NECTIN1: variants seen among roughly 807,000 people sequenced by gnomAD.
The protein encoded by NECTIN1 is nectin-1.
Under a neutral mutation model 48.0 loss-of-function variants are expected in NECTIN1, and 23 were observed. The ratio of observed to expected loss-of-function variants is 0.48; its 90% confidence interval spans 0.34 to 0.68. The LOEUF is 0.68. Among genes scored for constraint, NECTIN1 ranks in the 30% least tolerant of loss-of-function variants. The pLI is 0.01. For synonymous variants in NECTIN1, 270 were observed against 288.9 expected, an observed-to-expected ratio of 0.93 and a Z score of 0.66; for missense variants, 591 against 709.9, an observed-to-expected ratio of 0.83 and a Z score of 1.90.
chr11:119,654,730 C>G (rs1864544541), intron 5 of NECTIN1, among the ~76,000 whole-genome samples: 1 of 151,966 alleles, frequency 6.6e-6, no homozygotes, highest in Admixed American at 6.5e-5. Context: ...CACCACCATG[C>G]CCAGCTAATT....
At chr11:119,690,032 G>A (rs1198925213) in intron 1 of NECTIN1, among the ~76,000 whole-genome samples, 1 of 152,244 alleles carries the variant, frequency 6.6e-6, no homozygotes, top group Non-Finnish European at 1.5e-5. Flanking sequence ...ACATTCCCAG[G>A]TGGGGCTGGG....
intron 5 of NECTIN1, among the ~76,000 whole-genome samples, chr11:119,654,734 G>A (rs890017002): frequency 3.9e-5 from 6 of 151,954 alleles, no homozygotes; most frequent in African/African-American, 7.3e-5. Flanking sequence ...ACCATGCCCA[G>A]CTAATTTGTG....
chr11:119,688,392 G>C (rs1412712436), intron 1 of NECTIN1, among the ~76,000 whole-genome samples: 1 of 151,866 alleles, frequency 6.6e-6, no homozygotes, highest in African/African-American at 2.4e-5. Flanking sequence ...GCAGTGATGA[G>C]GCTACTCCCC....
At chr11:119,691,438 T>C (rs1425120166) in intron 1 of NECTIN1, among the ~76,000 whole-genome samples, 1 of 152,170 alleles carries the variant, frequency 6.6e-6, no homozygotes, top group African/African-American at 2.4e-5. Flanking sequence ...GGTTGTGACA[T>C]GGGGTTTTGG....
At chr11:119,668,231 G>A (rs966397373) in intron 5 of NECTIN1, among the ~76,000 whole-genome samples, 7 of 152,148 alleles carry the variant, frequency 4.6e-5, no homozygotes, top group East Asian at 1.9e-4. Flanking sequence ...ACTTCCTGTC[G>A]CCACTGTCAC....
intron 1 of NECTIN1, among the ~76,000 whole-genome samples, chr11:119,719,942 T>C (rs1865800343): frequency 1.3e-5 from 2 of 152,104 alleles, no homozygotes; most frequent in Admixed American, 6.5e-5. Flanking sequence ...TCAGATTTCA[T>C]ATTTATGGGA....
intron 1 of NECTIN1, among the ~76,000 whole-genome samples, chr11:119,703,791 C>A (rs1865496570): frequency 6.6e-6 from 1 of 152,188 alleles, no homozygotes; most frequent in African/African-American, 2.4e-5. Context: ...CATGAGATCC[C>A]AAAAGGATTG....
At chr11:119,690,416 C>T (rs1865233418) in intron 1 of NECTIN1, among the ~76,000 whole-genome samples, 1 of 152,204 alleles carries the variant, frequency 6.6e-6, no homozygotes, top group Non-Finnish European at 1.5e-5. Flanking sequence ...TGGGGGGTGG[C>T]AGTCTTTATC....
At chr11:119,668,717 C>T (rs182315211) in intron 5 of NECTIN1, among the ~76,000 whole-genome samples, 1 of 152,318 alleles carries the variant, frequency 6.6e-6, no homozygotes, top group Admixed American at 6.5e-5. Context: ...AAGGTCATTC[C>T]ATTAATCACA....
In NECTIN1 at chr11:119,678,763, C is replaced by T. The variant is rs200377205; in HGVS notation, c.82G>A (p.Val28Ile). Residue 28 changes from valine (V) to isoleucine (I), a missense_variant and splice_region_variant, in exon 2 of 6, where the codon GTC (valine) becomes ATC (isoleucine). Val to Ile is a conservative substitution (Grantham distance 29, BLOSUM62 3). Coordinates refer to ENST00000264025, the MANE Select transcript of NECTIN1 (RefSeq NM_002855.5). The surrounding 1 kb of genome is among the most constrained non-coding windows in gnomAD (Gnocchi z 4.4). ...TTCACCTGGACCACCTGGGAGTGGA[C>T]GCCTGGCCAGGAGGATGGCAGCAAG... ...LGLTAFFLPGVHSQVVQVNDS... is the reference protein window; with the variant it reads ...LGLTAFFLPGIHSQVVQVNDS... The T allele has an allele frequency of 7.4e-5, 118 of 1,602,724 alleles. No individual in the cohort carries two copies. The highest frequency in any genetic ancestry group is 8.5e-5 in the Non-Finnish European group (100 of 1,174,752).
At chr11:119,728,329 G>C (rs1865951423) in intron 1 of NECTIN1, 146 bp downstream of exon 1, 1 of 685,610 alleles carries the variant, frequency 1.5e-6, no homozygotes, top group Non-Finnish European at 2.4e-6. Context: ...TCTCCGCCGT[G>C]CCACCTCCCA....
At position 119,665,363 on chromosome 11, in the gene NECTIN1, G is replaced by A; in HGVS notation, c.1004-66C>T. 6.7e-7 allele frequency: 1 copy of A among 1,485,490 alleles called. No homozygotes were observed. The highest frequency in any genetic ancestry group is 9.0e-7 in the Non-Finnish European group (1 of 1,115,562). 92.0% of individuals were successfully genotyped at this position (1,485,490 alleles called of 1,614,324 possible). A position where few individuals can be genotyped will look rare whatever the true frequency, so the allele number is the denominator to read the frequency against. ...TGCTCCTGGGGTGTAGAGGGGGTGG[G>A]AGGGAGGCAGGGAAAGGAGAGGCCA... On this transcript the variant is annotated intron_variant, in intron 5 of 5. Transcript: ENST00000264025. The surrounding 1 kb of genome is among the most constrained non-coding windows in gnomAD (Gnocchi z 5.1).
Position 119,664,020 on chromosome 11 carries a change from A to G in NECTIN1, c.*727T>C, listed in dbSNP as rs11603655. ...GGGCTGGAGCCCACCTGGAGCCCCT[A>G]ATGGAGGGGGCACATTGGGGATAAA... On this transcript the variant is annotated 3_prime_UTR_variant, in exon 6 of 6. Transcript: ENST00000264025. 13,386 of 985,812 alleles carry G rather than the reference A, an allele frequency of 0.014. 1,335 individuals carry two copies. The African/African-American group carries it at 0.21, about 15-fold the overall frequency. The allele number at this position is 985,812 out of a possible 1,614,324, so 61.1% of individuals were successfully genotyped here.
downstream of NECTIN1, among the ~76,000 whole-genome samples, chr11:119,658,245 T>G (rs898463505): frequency 2.6e-5 from 4 of 152,060 alleles, no homozygotes; most frequent in Admixed American, 1.3e-4. Flanking sequence ...GTGGGAGGTA[T>G]GCTTGGCAGA....
intron 1 of NECTIN1, among the ~76,000 whole-genome samples, chr11:119,718,146 T>C (rs964401040): frequency 6.6e-6 from 1 of 152,204 alleles, no homozygotes; most frequent in African/African-American, 2.4e-5. Context: ...CAGGGTGTGC[T>C]GGGAGGAGCA....
At position 119,662,664 on chromosome 11, in the gene NECTIN1, G is replaced by A. The variant is rs1425247077; in HGVS notation, c.*2083C>T. The A allele has an allele frequency of 4.7e-5, 46 of 985,516 alleles. No homozygotes were observed. The highest frequency in any genetic ancestry group is 5.1e-5 in the Non-Finnish European group (42 of 829,964). The allele number at this position is 985,516 out of a possible 1,614,324, so 61.0% of individuals were successfully genotyped here. A position where few individuals can be genotyped will look rare whatever the true frequency, so the allele number is the denominator to read the frequency against. On this transcript the variant is annotated 3_prime_UTR_variant, in exon 6 of 6. Transcript: ENST00000264025. This position sits in a 1 kb window ranked among gnomAD's most constrained non-coding sequence, Gnocchi z 5.3. ...TGGGGGAAAAGGGGACCAAGCAGAG[G>A]GGCCAGAGTGTTGTAAGGTGGGATG...
intron 1 of NECTIN1, among the ~76,000 whole-genome samples, chr11:119,701,079 G>A (rs1865443769): frequency 1.3e-5 from 2 of 152,184 alleles, no homozygotes; most frequent in Non-Finnish European, 2.9e-5. Context: ...GGAGCAGGGT[G>A]CTTGCTCAGC....
intron 1 of NECTIN1, among the ~76,000 whole-genome samples, chr11:119,719,855 G>A (rs879280945): frequency 3.9e-5 from 6 of 152,208 alleles, no homozygotes; most frequent in Non-Finnish European, 8.8e-5. Flanking sequence ...GATTTGAGAT[G>A]AGAGAAGTTA....
chr11:119,653,973 T>C (rs1864530240), intron 5 of NECTIN1: 1 of 152,184 alleles, frequency 6.6e-6, no homozygotes, highest in African/African-American at 2.4e-5. Flanking sequence ...GAACAAGGGA[T>C]TGATCAAGGT....
Sources: gnomAD v4.1 joint callset for allele counts (sites outside exome capture counted in the v4.1 genomes callset) on GRCh38, gnomAD v4.1.1 for gene constraint, Gnocchi (gnomAD v3.1) non-coding constraint, MANE v1.5 for transcripts, NCBI Gene and HGNC (gene_info 2026-07-23, HGNC 2026-07-21) for gene names.